Variants in EMC10 observed in about 807,000 individuals in gnomAD.
EMC10 encodes the protein UPF0510 protein INM02.
EMC10 carries 40 observed loss-of-function variants against 32.2 expected under a neutral mutation model. That is an observed-to-expected ratio of 1.24 (90% CI 0.96 to 1.61). The LOEUF is 1.61. Among genes scored for constraint, EMC10 ranks in the 40% most tolerant of loss-of-function variants. The pLI, the probability that EMC10 is intolerant of heterozygous loss-of-function variation, is 0.00. For missense variants in EMC10, 402 were observed against 357.7 expected (o/e 1.12, Z -1.00); for synonymous variants, 178 against 158.4 (o/e 1.12, Z -0.93).
In EMC10 at chr19:50,480,352, C is replaced by G; in HGVS notation, c.402+137C>G. On this transcript the variant is annotated intron_variant, in intron 4 of 6. Coordinates refer to ENST00000334976, the MANE Select transcript of EMC10 (RefSeq NM_206538.4). The surrounding 1 kb of genome is among the most constrained non-coding windows in gnomAD (Gnocchi z 4.4). ...GAGACTCAGACCTGGCCTTGCCTTC[C>G]GAGGCCTCCTGGTCTGGAGGGGTCG... 2 of 1,024,116 alleles carry G rather than the reference C, an allele frequency of 2.0e-6. No homozygotes were observed. The highest frequency in any genetic ancestry group is 2.9e-6 in the Non-Finnish European group (2 of 696,422). The allele number at this position is 1,024,116 out of a possible 1,614,324, so 63.4% of individuals were successfully genotyped here. A position where few individuals can be genotyped will look rare whatever the true frequency, so the allele number is the denominator to read the frequency against.
At position 50,480,636 on chromosome 19, in the gene EMC10, CCGGCAACGTGGTGGG is replaced by C; in HGVS notation, c.461_475del (p.Gly154_Gly158del). The C allele has an allele frequency of 6.3e-7, 1 of 1,582,714 alleles. No homozygotes were observed. The highest frequency in any genetic ancestry group is 8.6e-7 in the Non-Finnish European group (1 of 1,164,884). On this transcript the variant is annotated inframe_deletion, in exon 5 of 7. Transcript: ENST00000334976. The surrounding 1 kb of genome is among the most constrained non-coding windows in gnomAD (Gnocchi z 4.4). ...CAGCTGACCCTGCACGTGGATGTGGCCGGCAACGTGGTGGGCGTGTCGGTGGTGACGCACCCCGGG... is the reference window on the plus strand; with the variant it reads ...CAGCTGACCCTGCACGTGGATGTGGCCGTGTCGGTGGTGACGCACCCCGGG...
Position 50,485,991 on chromosome 19 carries a change from ATG to A in EMC10, c.*3734_*3735del, listed in dbSNP as rs1978339453. 6.6e-6 allele frequency: 1 copy of A among 151,966 alleles called. No individual in the cohort carries two copies. Among genetic ancestry groups the A allele is most frequent in the African/African-American group, 2.4e-5 (1 of 41,350 alleles). The allele number at this position is 151,966 out of a possible 1,614,324, so 9.4% of individuals were successfully genotyped here. A position where few individuals can be genotyped will look rare whatever the true frequency, so the allele number is the denominator to read the frequency against. Reference sequence around the variant, plus strand: ...CCCTCCCATTTCCTGCCACCAGAAAATGTTATCGGCTGCGTGGCATTGCGAAA... The same window carrying A: ...CCCTCCCATTTCCTGCCACCAGAAAATTATCGGCTGCGTGGCATTGCGAAA... On this transcript the variant is annotated 3_prime_UTR_variant, in exon 7 of 7. Transcript: ENST00000334976.
In EMC10 at chr19:50,489,745, G is replaced by A. The variant is rs1280573218; in HGVS notation, c.*7486G>A. The A allele has an allele frequency of 6.5e-6, 1 of 153,716 alleles. No homozygotes were observed. The highest frequency in any genetic ancestry group is 1.4e-5 in the Non-Finnish European group (1 of 69,230). The allele number at this position is 153,716 out of a possible 1,614,324, so 9.5% of individuals were successfully genotyped here. ...GAGGAACAGAGCAGCTGTGGAAGGTGCGGCAGAGAAGGGCCCAGGAGAAAG... is the reference window on the plus strand; with the variant it reads ...GAGGAACAGAGCAGCTGTGGAAGGTACGGCAGAGAAGGGCCCAGGAGAAAG... On this transcript the variant is annotated 3_prime_UTR_variant, in exon 7 of 7. Transcript: ENST00000334976.
In EMC10 at chr19:50,484,555, C is replaced by T. The variant is rs2040369054; in HGVS notation, c.*2296C>T. The T allele has an allele frequency of 6.6e-6, 1 of 152,148 alleles. No homozygotes were observed. Among genetic ancestry groups the T allele is most frequent in the South Asian group, 2.1e-4 (1 of 4,826 alleles). The allele number at this position is 152,148 out of a possible 1,614,324, so 9.4% of individuals were successfully genotyped here. Reference sequence around the variant, plus strand: ...GAAATGCCTGAGCTCCTTCAGGCTCCCCTAGCGTTCTGTTCTTATTAAACT... The same window carrying T: ...GAAATGCCTGAGCTCCTTCAGGCTCTCCTAGCGTTCTGTTCTTATTAAACT... On this transcript the variant is annotated 3_prime_UTR_variant, in exon 7 of 7. Transcript: ENST00000334976.
At chr19:50,476,749 C>T (rs1045340932) in intron 1 of EMC10, 91 bp downstream of exon 1, 6 of 819,066 alleles carry the variant, frequency 7.3e-6, no homozygotes, top group Non-Finnish European at 1.1e-5. Context: ...AAGGAGGCTG[C>T]GCAGGGCTGA....
intron 6 of EMC10, 179 bp downstream of exon 6, chr19:50,481,156 T>G: frequency 1.7e-6 from 1 of 585,350 alleles, no homozygotes; most frequent in Non-Finnish European, 3.0e-6. Flanking sequence ...GGTATGGAAG[T>G]GTGGTCAGGG....
chr19:50,477,750 A>C (rs1474478852), intron 1 of EMC10, among the ~76,000 whole-genome samples, 179 bp from the exon 2 acceptor site: 1 of 152,170 alleles, frequency 6.6e-6, no homozygotes, highest in Non-Finnish European at 1.5e-5. Context: ...GAGGGAGTGC[A>C]GAGTATGAAT....
In EMC10 at chr19:50,488,510, G is replaced by A. The variant is rs1337021489; in HGVS notation, c.*6251G>A. 7.0e-6 allele frequency: 1 copy of A among 142,482 alleles called. No homozygotes were observed. Among genetic ancestry groups the A allele is most frequent in the African/African-American group, 2.6e-5 (1 of 38,646 alleles). 8.8% of individuals were successfully genotyped at this position (142,482 alleles called of 1,614,324 possible). A position where few individuals can be genotyped will look rare whatever the true frequency, so the allele number is the denominator to read the frequency against. Reference sequence around the variant, plus strand: ...TGAGCTCGGAGAAGAGGGAAGCAGAGAAACGGGTGAAGGAGGGAGCGTCCT... The same window carrying A: ...TGAGCTCGGAGAAGAGGGAAGCAGAAAAACGGGTGAAGGAGGGAGCGTCCT... On this transcript the variant is annotated 3_prime_UTR_variant, in exon 7 of 7. Transcript: ENST00000334976.
rs1248424832 is a variant in EMC10 at position 50,483,970 on chromosome 19, A to C, written c.*1711A>C. ...CTTTTTCTGTCTTCATTCCATGTGAATCCTGCTTCATTCTTTTCCTAGAGG... is the reference window on the plus strand; with the variant it reads ...CTTTTTCTGTCTTCATTCCATGTGACTCCTGCTTCATTCTTTTCCTAGAGG... On this transcript the variant is annotated 3_prime_UTR_variant, in exon 7 of 7. Coordinates refer to ENST00000334976, the MANE Select transcript of EMC10 (RefSeq NM_206538.4). 1 of 144,092 alleles carries C rather than the reference A, an allele frequency of 6.9e-6. No homozygotes were observed. Among genetic ancestry groups the C allele is most frequent in the Non-Finnish European group, 1.5e-5 (1 of 66,864 alleles). 8.9% of individuals were successfully genotyped at this position (144,092 alleles called of 1,614,324 possible).
chr19:50,479,210 C>T (rs2040279287), intron 3 of EMC10, 144 bp downstream of exon 3: 3 of 645,680 alleles, frequency 4.6e-6, no homozygotes, highest in Non-Finnish European at 8.1e-6. Context: ...CAGCCTCTGT[C>T]CTCAATGACT....
At position 50,481,095 on chromosome 19, in the gene EMC10, G is replaced by A. The variant is rs541130953; in HGVS notation, c.678+118G>A. On this transcript the variant is annotated intron_variant, in intron 6 of 6. Transcript: ENST00000334976. ...TGCTCGGGCCTGCTCCTTGTCCTCC[G>A]GGCCTCCTGTGTGTCCTGGTACCTG... is the stretch of plus-strand genomic sequence containing the variant. 17 of 734,862 alleles carry A rather than the reference G, an allele frequency of 2.3e-5. 1 individual carries two copies. The highest frequency in any genetic ancestry group is 1.6e-4 in the South Asian group (9 of 54,614). The allele number at this position is 734,862 out of a possible 1,614,324, so 45.5% of individuals were successfully genotyped here.
At chr19:50,479,547 G>A (rs2040284791) in intron 3 of EMC10, among the ~76,000 whole-genome samples, 1 of 152,198 alleles carries the variant, frequency 6.6e-6, no homozygotes, top group South Asian at 2.1e-4. Flanking sequence ...GCAGGATAGA[G>A]AGGGAGAAAG....
intron 6 of EMC10, 156 bp from the exon 7 acceptor site, chr19:50,481,993 C>T: frequency 1.2e-6 from 2 of 1,603,660 alleles, no homozygotes; most frequent in African/African-American, 2.7e-5. Flanking sequence ...ACTGGCCCTC[C>T]CTGACCTGTA....
rs1295926111 is a variant in EMC10 at position 50,484,066 on chromosome 19, C to T, written c.*1807C>T. 8.8e-6 allele frequency: 1 copy of T among 113,380 alleles called. No individual in the cohort carries two copies. Among genetic ancestry groups the T allele is most frequent in the African/African-American group, 3.6e-5 (1 of 27,854 alleles). The allele number at this position is 113,380 out of a possible 1,614,324, so 7.0% of individuals were successfully genotyped here. ...TTTTTGAGGCAGAGTCTCGCTCTGT[C>T]ATCCAGGCTGGAGTACAATGGCACG... On this transcript the variant is annotated 3_prime_UTR_variant, in exon 7 of 7. Coordinates refer to ENST00000334976, the MANE Select transcript of EMC10 (RefSeq NM_206538.4).
intron 3 of EMC10, among the ~76,000 whole-genome samples, chr19:50,479,550 G>GT (rs1295747623): frequency 6.6e-6 from 1 of 152,164 alleles, no homozygotes. Flanking sequence ...GGATAGAGAG[G>GT]GAGAAAGAGG....
rs549841599 is a variant in EMC10 at position 50,483,523 on chromosome 19, C to G, written c.*1264C>G. ...ATGGTTTGTGAGTCGACTGTCAAGACCAGGAGGTGGTGCACCGTGGGAGGT... is the reference window on the plus strand; with the variant it reads ...ATGGTTTGTGAGTCGACTGTCAAGAGCAGGAGGTGGTGCACCGTGGGAGGT... On this transcript the variant is annotated 3_prime_UTR_variant, in exon 7 of 7. Coordinates refer to ENST00000334976, the MANE Select transcript of EMC10 (RefSeq NM_206538.4). The G allele has an allele frequency of 2.1e-3, 346 of 167,648 alleles. No individual in the cohort carries two copies. The highest frequency in any genetic ancestry group is 8.4e-3 in the Middle Eastern group (3 of 356). 10.4% of individuals were successfully genotyped at this position (167,648 alleles called of 1,614,324 possible). A position where few individuals can be genotyped will look rare whatever the true frequency, so the allele number is the denominator to read the frequency against.
Position 50,480,027 on chromosome 19 carries a change from C to T in EMC10, c.298-84C>T, listed in dbSNP as rs760527380. Reference sequence around the variant, plus strand: ...TGAGGTGGGTGGGGCTGGAGAGGGGCCTTCGCGGAGGCCTGGTGGGCATCA... The same window carrying T: ...TGAGGTGGGTGGGGCTGGAGAGGGGTCTTCGCGGAGGCCTGGTGGGCATCA... On this transcript the variant is annotated intron_variant, in intron 3 of 6. Coordinates refer to ENST00000334976, the MANE Select transcript of EMC10 (RefSeq NM_206538.4). The surrounding 1 kb of genome is among the most constrained non-coding windows in gnomAD (Gnocchi z 4.4). 3 of 1,108,188 alleles carry T rather than the reference C, an allele frequency of 2.7e-6. No homozygotes were observed. In the African/African-American group the frequency reaches 4.7e-5, roughly 17 times the overall value. 68.6% of individuals were successfully genotyped at this position (1,108,188 alleles called of 1,614,324 possible). A position where few individuals can be genotyped will look rare whatever the true frequency, so the allele number is the denominator to read the frequency against.
In EMC10 at chr19:50,480,215, G is replaced by A. The variant is rs1568685651; in HGVS notation, c.402G>A (p.Ala134=). Residue 134 remains alanine, a splice_region_variant and synonymous_variant, in exon 4 of 7, where the codon GCG becomes GCA. Transcript: ENST00000334976. The surrounding 1 kb of genome is among the most constrained non-coding windows in gnomAD (Gnocchi z 4.4). ...AGGYVSSFVP[A]CSLVESHLSD... ...GCTATGTCTCCTCCTTTGTCCCTGC[G>A]GTGAGTTGGTGTCGGGGATGAGCCC... 1.5e-5 allele frequency: 24 copies of A among 1,612,724 alleles called. No individual in the cohort carries two copies. The highest frequency in any genetic ancestry group is 4.4e-5 in the South Asian group (4 of 90,724).
At position 50,480,486 on chromosome 19, in the gene EMC10, A is replaced by C; in HGVS notation, c.403-95A>C. 7.0e-7 allele frequency: 1 copy of C among 1,429,538 alleles called. No homozygotes were observed. The highest frequency in any genetic ancestry group is 9.4e-7 in the Non-Finnish European group (1 of 1,064,430). The allele number at this position is 1,429,538 out of a possible 1,614,324, so 88.6% of individuals were successfully genotyped here. A position where few individuals can be genotyped will look rare whatever the true frequency, so the allele number is the denominator to read the frequency against. ...AGGGAGCCATGGGAAGGTTTTGAAAAATGCTCCGGGGGTCCTGTGGTGGGG... is the reference window on the plus strand; with the variant it reads ...AGGGAGCCATGGGAAGGTTTTGAAACATGCTCCGGGGGTCCTGTGGTGGGG... On this transcript the variant is annotated intron_variant, in intron 4 of 6. Transcript: ENST00000334976. This position sits in a 1 kb window ranked among gnomAD's most constrained non-coding sequence, Gnocchi z 4.4.
Sources: gnomAD v4.1 joint callset for allele counts (sites outside exome capture counted in the v4.1 genomes callset) on GRCh38, gnomAD v4.1.1 for gene constraint, Gnocchi (gnomAD v3.1) non-coding constraint, MANE v1.5 for transcripts, NCBI Gene and HGNC (gene_info 2026-07-23, HGNC 2026-07-21) for gene names.